The following RAD54L2 variants were observed in gnomAD, a reference collection of about 807,000 sequenced individuals.
The protein encoded by RAD54L2 is helicase ARIP4.
Under a neutral mutation model 138.4 loss-of-function variants are expected in RAD54L2, and 27 were observed. The ratio of observed to expected loss-of-function variants is 0.20; its 90% CI spans 0.14 to 0.27. The LOEUF (loss-of-function observed/expected upper bound fraction) is 0.27. RAD54L2 is among the 10% of genes least tolerant of loss of function. RAD54L2 has a pLI of 1.00. For missense variants in RAD54L2, 1,396 were observed against 1,890.2 expected, an observed-to-expected ratio of 0.74 and a Z score of 4.85; for synonymous variants, 644 against 723.2, an observed-to-expected ratio of 0.89 and a Z score of 1.76.
intron 2 of RAD54L2, among the ~76,000 whole-genome samples, chr3:51,565,693 G>A (rs923047195): frequency 6.6e-6 from 1 of 152,040 alleles, no homozygotes; most frequent in African/African-American, 2.4e-5. Flanking sequence ...GGCTGGTCTT[G>A]AACTCCTGAC....
chr3:51,543,608 C>CAAA (rs1169502388), intron 2 of RAD54L2, among the ~76,000 whole-genome samples: 1 of 60,496 alleles, frequency 1.7e-5, no homozygotes, highest in African/African-American at 5.4e-5. Context: ...AACTCCATCT[C>CAAA]AAAAAAAAAA....
chr3:51,592,076 T>G (rs1260963388), intron 3 of RAD54L2, among the ~76,000 whole-genome samples: 2 of 137,588 alleles, frequency 1.5e-5, no homozygotes, highest in Non-Finnish European at 3.1e-5. Flanking sequence ...TTTTTTTTTT[T>G]TTTTTTTGAG....
chr3:51,597,165 C>CAAA (rs145812228), intron 3 of RAD54L2, among the ~76,000 whole-genome samples: 28 of 49,214 alleles, frequency 5.7e-4, no homozygotes, highest in African/African-American at 2.0e-3. Flanking sequence ...GACTTCATTT[C>CAAA]AAAAAAAAAA....
intron 2 of RAD54L2, among the ~76,000 whole-genome samples, chr3:51,585,424 GA>G: frequency 6.6e-6 from 1 of 152,264 alleles, no homozygotes; most frequent in Non-Finnish European, 1.5e-5. Flanking sequence ...ATTTCAGTGT[GA>G]ACTCTGCAAG....
At chr3:51,587,261 C>T (rs369544085) in intron 2 of RAD54L2, among the ~76,000 whole-genome samples, 10 of 152,068 alleles carry the variant, frequency 6.6e-5, no homozygotes, top group South Asian at 2.1e-4. Context: ...CCACCACGCC[C>T]GGCTAATTTT....
chr3:51,613,183 C>T (rs183133871), intron 3 of RAD54L2, among the ~76,000 whole-genome samples: 21 of 151,998 alleles, frequency 1.4e-4, no homozygotes, highest in East Asian at 1.9e-4. Context: ...GTGATCCACC[C>T]GCCTCGGCCT....
rs374485589 is a variant in RAD54L2 at position 51,557,069 on chromosome 3, A to G, written c.-55+15419A>G. Among the ~76,000 whole-genome samples the G allele has an allele frequency of 9.9e-5, 15 of 152,142 alleles. No homozygotes were observed. In the East Asian group the frequency reaches 1.2e-3, roughly 12 times the overall value. Reference sequence around the variant, plus strand: ...TGCACATGCTTGGCATACACGTACAACTGTGGAGAGTATAGCATCATGAAG... The same window carrying G: ...TGCACATGCTTGGCATACACGTACAGCTGTGGAGAGTATAGCATCATGAAG... On this transcript the variant is annotated intron_variant, in intron 2 of 22. Transcript: ENST00000684192.
rs1701030804 is a variant in RAD54L2 at position 51,638,039 on chromosome 3, C to T, written c.1683-105C>T. 1 of 1,083,470 alleles carries T rather than the reference C, an allele frequency of 9.2e-7. No homozygotes were observed. The highest frequency in any genetic ancestry group is 2.6e-5 in the East Asian group (1 of 39,034). 67.1% of individuals were successfully genotyped at this position (1,083,470 alleles called of 1,614,324 possible). On this transcript the variant is annotated intron_variant, in intron 11 of 22. Coordinates refer to ENST00000684192, the MANE Select transcript of RAD54L2 (RefSeq NM_015106.4). This position sits in a 1 kb window ranked among gnomAD's most constrained non-coding sequence, Gnocchi z 4.3. ...CAAGGCTGCAGTGCATGTTGAGATC[C>T]TCAAGAGGGAGGTGTGGCAGGAGTG...
chr3:51,659,945 C>T, intron 21 of RAD54L2, 81 bp from the exon 22 acceptor site: 1 of 1,032,282 alleles, frequency 9.7e-7, no homozygotes, highest in South Asian at 1.6e-5. Flanking sequence ...TTTACAAGCC[C>T]ACGGCGCACA....
chr3:51,657,981 G>A (rs1486125564), intron 21 of RAD54L2, among the ~76,000 whole-genome samples: 1 of 133,784 alleles, frequency 7.5e-6, no homozygotes, highest in Admixed American at 9.1e-5. Context: ...CTGGAGTGCA[G>A]TTGCGTGATC....
chr3:51,626,674 A>ACATCAGGTGATCCTCCCGC (rs1179864456), intron 3 of RAD54L2, among the ~76,000 whole-genome samples: 1 of 151,054 alleles, frequency 6.6e-6, no homozygotes, highest in African/African-American at 2.4e-5. Flanking sequence ...CGAACTCCTG[A>ACATCAGGTGATCCTCCCGC]CCTCAGGTGA....
intron 14 of RAD54L2, among the ~76,000 whole-genome samples, chr3:51,640,422 T>A (rs1443046769): frequency 2.0e-5 from 3 of 152,254 alleles, no homozygotes; most frequent in African/African-American, 4.8e-5. Context: ...ATTTTAGTTT[T>A]AAGCTTTGTC....
At chr3:51,552,511 C>T (rs1698863591) in intron 2 of RAD54L2, among the ~76,000 whole-genome samples, 1 of 151,296 alleles carries the variant, frequency 6.6e-6, no homozygotes, top group Non-Finnish European at 1.5e-5. Flanking sequence ...ATCCACCTGC[C>T]TCGGCTTCCC....
chr3:51,545,664 T>A (rs782627282), intron 2 of RAD54L2, among the ~76,000 whole-genome samples: 1 of 152,034 alleles, frequency 6.6e-6, no homozygotes, highest in Non-Finnish European at 1.5e-5. Context: ...ACTGTAGCCT[T>A]GACCTCTCAG....
chr3:51,543,670 C>T (rs1290908422), intron 2 of RAD54L2, among the ~76,000 whole-genome samples: 1 of 151,732 alleles, frequency 6.6e-6, no homozygotes, highest in African/African-American at 2.4e-5. Flanking sequence ...TAGACCCTGG[C>T]CTGTCTCTGC....
intron 3 of RAD54L2, among the ~76,000 whole-genome samples, chr3:51,599,775 G>A (rs1431807612): frequency 1.3e-5 from 2 of 148,734 alleles, no homozygotes; most frequent in African/African-American, 2.5e-5. Context: ...CAAAAACCGC[G>A]ATTACTTTTG....
chr3:51,594,783 G>C (rs955320142), intron 3 of RAD54L2, among the ~76,000 whole-genome samples: 1 of 149,622 alleles, frequency 6.7e-6, no homozygotes, highest in Admixed American at 6.7e-5. Flanking sequence ...ACCAGAGTGA[G>C]ACTGGAGAGA....
rs540635838 is a variant in RAD54L2 at position 51,639,328 on chromosome 3, G to A, written c.1861-91G>A. The A allele has an allele frequency of 6.5e-5, 94 of 1,453,724 alleles. No homozygotes were observed. The South Asian group carries it at 1.1e-3, about 16-fold the overall frequency. The allele number at this position is 1,453,724 out of a possible 1,614,324, so 90.1% of individuals were successfully genotyped here. A position where few individuals can be genotyped will look rare whatever the true frequency, so the allele number is the denominator to read the frequency against. On this transcript the variant is annotated intron_variant, in intron 12 of 22. Transcript: ENST00000684192. The stretch of plus-strand genomic sequence containing the variant: ...TGACAGTGTTTATTGTGGGACGTGT[G>A]TGTTTGAGCAAGTATGTGTTTCCAG...
intron 2 of RAD54L2, among the ~76,000 whole-genome samples, chr3:51,563,550 T>C (rs1020652854): frequency 1.3e-5 from 2 of 152,188 alleles, no homozygotes; most frequent in Non-Finnish European, 2.9e-5. Flanking sequence ...GTGCATAGAA[T>C]GTGCATTTTA....
Sources: allele counts gnomAD v4.1 joint callset (sites outside exome capture counted in the v4.1 genomes callset), GRCh38; gene constraint gnomAD v4.1.1; non-coding constraint Gnocchi (gnomAD v3.1); transcripts MANE v1.5; gene names NCBI Gene and HGNC (gene_info 2026-07-23, HGNC 2026-07-21).